PLCB1: variants seen among roughly 807,000 people sequenced by gnomAD.
PLCB1 encodes the protein phospholipase C beta 1, also known as 1-phosphatidylinositol 4,5-bisphosphate phosphodiesterase beta-1.
In PLCB1, 46 loss-of-function variants were observed where a neutral mutation model predicts 161.8. That is an observed-to-expected ratio of 0.28 (90% CI 0.22 to 0.36). The LOEUF is 0.36. Ranked by LOEUF, PLCB1 falls within the 10% of genes least tolerant of loss-of-function variation. PLCB1 has a pLI of 1.00. For missense variants in PLCB1, 1,016 were observed against 1,472.5 expected, an observed-to-expected ratio of 0.69 and a Z score of 5.07; for synonymous variants, 517 against 503.7, an observed-to-expected ratio of 1.03 and a Z score of -0.35.
At chr20:8,824,562 G>C (rs1985596092) in intron 31 of PLCB1, among the ~76,000 whole-genome samples, 1 of 152,046 alleles carries the variant, frequency 6.6e-6, no homozygotes, top group African/African-American at 2.4e-5. Context: ...AGCCTTAAGG[G>C]CAAAACAAGA....
chr20:8,715,794 C>G (rs1050249432), intron 12 of PLCB1: 9 of 153,472 alleles, frequency 5.9e-5, no homozygotes, highest in African/African-American at 1.9e-4. Context: ...CTATTCAGCT[C>G]CCTCCCTGCC....
At chr20:8,323,707 G>A (rs1985015929) in intron 2 of PLCB1, among the ~76,000 whole-genome samples, 1 of 152,054 alleles carries the variant, frequency 6.6e-6, no homozygotes, top group Admixed American at 6.6e-5. Context: ...TTCAAGGAAG[G>A]GGCATCGATT....
At chr20:8,364,449 C>G (rs556664130) in intron 2 of PLCB1, among the ~76,000 whole-genome samples, 18 of 152,282 alleles carry the variant, frequency 1.2e-4, no homozygotes, top group African/African-American at 4.3e-4. Flanking sequence ...AGCATGAGAG[C>G]ATGGAAGGTA....
intron 2 of PLCB1, among the ~76,000 whole-genome samples, chr20:8,289,751 T>C (rs934176956): frequency 6.6e-6 from 1 of 152,154 alleles, no homozygotes; most frequent in Non-Finnish European, 1.5e-5. Flanking sequence ...CCCAGGACAC[T>C]CGGAATCTTG....
At chr20:8,644,449 C>G (rs1208789560) in intron 4 of PLCB1, among the ~76,000 whole-genome samples, 1 of 151,356 alleles carries the variant, frequency 6.6e-6, no homozygotes, top group Admixed American at 6.6e-5. Flanking sequence ...GCCCCGCCGC[C>G]CCATCTGGGA....
intron 3 of PLCB1, among the ~76,000 whole-genome samples, chr20:8,622,272 A>G (rs1209949045): frequency 1.3e-5 from 2 of 151,838 alleles, no homozygotes; most frequent in Non-Finnish European, 2.9e-5. Context: ...AAAAAAAAAG[A>G]ATCTTAGTAG....
In PLCB1 at chr20:8,717,843, G is replaced by C. The variant is rs757137361; in HGVS notation, c.1508G>C (p.Gly503Ala). 1 of 1,605,356 alleles carries C rather than the reference G, an allele frequency of 6.2e-7. No homozygotes were observed. The highest frequency in any genetic ancestry group is 8.5e-7 in the Non-Finnish European group (1 of 1,177,580). The change falls in exon 14 of 32, where the codon GGA becomes GCA. Residue 503 changes from glycine (G) to alanine (A), a missense_variant. Gly to Ala is a moderately conservative substitution (Grantham distance 60). Around this residue, in one of 10 missense-constraint regions of PLCB1, gnomAD observed 109 missense variants for 129.7 expected, o/e 0.84. Coordinates refer to ENST00000338037, the MANE Select transcript of PLCB1 (RefSeq NM_015192.4). ...SSSMFEPSSP[G>A]AGEADTESDD... ...AGCATGTTCGAGCCCTCATCCCCAG[G>C]AGCCGGTGAGGGGCTGGTGGGCTCT...
At chr20:8,177,167 G>A (rs897332153) in intron 2 of PLCB1, among the ~76,000 whole-genome samples, 16 of 152,060 alleles carry the variant, frequency 1.1e-4, no homozygotes, top group African/African-American at 3.6e-4. Flanking sequence ...GTATTAAAAG[G>A]TGAGTCTTTT....
At chr20:8,629,865 CTT>C (rs1455220054) in intron 4 of PLCB1, among the ~76,000 whole-genome samples, 3 of 91,098 alleles carry the variant, frequency 3.3e-5, no homozygotes, top group Admixed American at 2.7e-4. Context: ...TTCTTTCTTT[CTT>C]TCTTTCTTTC....
chr20:8,585,536 T>C (rs1446193496), intron 3 of PLCB1, among the ~76,000 whole-genome samples: 2 of 152,246 alleles, frequency 1.3e-5, no homozygotes, highest in African/African-American at 4.8e-5. Context: ...CAGTTCCTGG[T>C]CTACCATATC....
intron 31 of PLCB1, among the ~76,000 whole-genome samples, chr20:8,810,699 C>A (rs901604523): frequency 6.6e-6 from 1 of 152,134 alleles, no homozygotes; most frequent in African/African-American, 2.4e-5. Context: ...CATGGTGGCT[C>A]ATGCTTATAA....
At chr20:8,578,763 A>G (rs1295510757) in intron 3 of PLCB1, among the ~76,000 whole-genome samples, 1 of 152,218 alleles carries the variant, frequency 6.6e-6, no homozygotes, top group Non-Finnish European at 1.5e-5. Context: ...TGAGAAATAA[A>G]TTACAGCTTT....
intron 7 of PLCB1, among the ~76,000 whole-genome samples, chr20:8,650,631 G>T (rs780174332): frequency 1.3e-5 from 2 of 152,122 alleles, no homozygotes; most frequent in Non-Finnish European, 2.9e-5. Context: ...AAGAACCCTC[G>T]CAGGCTAAGC....
chr20:8,494,430 A>C (rs1276452010), intron 3 of PLCB1, among the ~76,000 whole-genome samples: 2 of 152,216 alleles, frequency 1.3e-5, no homozygotes, highest in African/African-American at 4.8e-5. Context: ...GTGGTAGGCA[A>C]AAATGCCATG....
intron 3 of PLCB1, among the ~76,000 whole-genome samples, chr20:8,434,004 A>G (rs1980184975): frequency 6.6e-6 from 1 of 152,162 alleles, no homozygotes; most frequent in Non-Finnish European, 1.5e-5. Context: ...CTACAAGATG[A>G]TTTTCAATCA....
chr20:8,388,753 G>A (rs1292746796), intron 3 of PLCB1, among the ~76,000 whole-genome samples: 2 of 152,076 alleles, frequency 1.3e-5, no homozygotes, highest in African/African-American at 2.4e-5. Flanking sequence ...TGAATGATCT[G>A]TGTGTGTGCG....
intron 31 of PLCB1, among the ~76,000 whole-genome samples, chr20:8,840,288 A>G (rs903540762): frequency 6.6e-6 from 1 of 152,156 alleles, no homozygotes; most frequent in Non-Finnish European, 1.5e-5. Context: ...GAAATAGGGC[A>G]AGCTTCTAAA....
chr20:8,722,808 A>G (rs901186437), intron 15 of PLCB1, among the ~76,000 whole-genome samples: 4 of 152,174 alleles, frequency 2.6e-5, no homozygotes, highest in African/African-American at 4.8e-5. Context: ...TACTGAAACA[A>G]TCTGGGCAAC....
At chr20:8,755,305 T>C (rs8114481) in intron 23 of PLCB1, among the ~76,000 whole-genome samples, 37,317 of 152,122 alleles carry the variant, frequency 0.25, 5,168 homozygotes, top group Non-Finnish European at 0.32. Flanking sequence ...AAAGTTATTA[T>C]AGGTCAATTT....
Sources: gnomAD v4.1 joint callset for allele counts (sites outside exome capture counted in the v4.1 genomes callset) on GRCh38, gnomAD v4.1.1 for gene constraint, gnomAD v4.1.1 regional missense constraint, MANE v1.5 for transcripts, NCBI Gene and HGNC (gene_info 2026-07-23, HGNC 2026-07-21) for gene names.